CASP8: variants seen among roughly 807,000 people sequenced by gnomAD.
The protein encoded by CASP8 is caspase 8.
Under a neutral mutation model 46.3 loss-of-function variants are expected in CASP8, and 24 were observed. That is an observed-to-expected ratio of 0.52 (90% CI 0.38 to 0.73). The LOEUF (loss-of-function observed/expected upper bound fraction) is 0.73, where lower values mean the gene tolerates loss of function less well. Among genes scored for constraint, CASP8 ranks in the 30% least tolerant of loss-of-function variants. The probability of loss-of-function intolerance (pLI) is 0.00; values close to 1 mark genes in which losing one functional copy is unlikely to be tolerated. For synonymous variants in CASP8, 188 were observed against 200.4 expected, an observed-to-expected ratio of 0.94 and a Z score of 0.52; for missense variants, 460 against 559.0, an observed-to-expected ratio of 0.82 and a Z score of 1.79.
chr2:201,261,265 C>T (rs1947372758), intron 1 of CASP8, among the ~76,000 whole-genome samples: 1 of 151,938 alleles, frequency 6.6e-6, no homozygotes, highest in Non-Finnish European at 1.5e-5. Flanking sequence ...ATGGCGCATG[C>T]CTGTAATCCC....
upstream of CASP8, chr2:201,258,357 G>C (rs1947137956): frequency 1.2e-6 from 2 of 1,613,950 alleles, no homozygotes; most frequent in Admixed American, 1.7e-5. Context: ...CGGAGACTGC[G>C]ATGGTGCCAG....
At chr2:201,274,987 T>C (rs1948533251) in intron 6 of CASP8, 34 bp downstream of exon 6, 1 of 1,446,534 alleles carries the variant, frequency 6.9e-7, no homozygotes, top group Non-Finnish European at 9.7e-7. Flanking sequence ...TTTTTTTACA[T>C]TACAGATTCT....
intron 2 of CASP8, among the ~76,000 whole-genome samples, chr2:201,267,220 C>G (rs1223223728): frequency 6.6e-6 from 1 of 152,054 alleles, no homozygotes; most frequent in Non-Finnish European, 1.5e-5. Flanking sequence ...TTTTTTTCCT[C>G]TCTTATCTTG....
At chr2:201,274,570 GT>G (rs1189361121) in intron 5 of CASP8, among the ~76,000 whole-genome samples, 2 of 152,184 alleles carry the variant, frequency 1.3e-5, no homozygotes, top group Non-Finnish European at 2.9e-5. Flanking sequence ...TACCTCCCAA[GT>G]TCAAGTGATT....
rs2125488841 is a variant in CASP8, at chr2:201,285,211, C to A, written c.1198C>A (p.Leu400Met). The A allele has an allele frequency of 2.5e-6, 4 of 1,614,212 alleles. No homozygotes were observed. Among genetic ancestry groups the A allele is most frequent in the Non-Finnish European group, 3.4e-6 (4 of 1,180,032 alleles). ...ATATATCCCGGATGAGGCTGACTTT[C>A]TGCTGGGGATGGCCACTGTGAATAA... ...TRYIPDEADF[L>M]LGMATVNNCV... The change falls in exon 8 of 9, where the codon CTG becomes ATG. Residue 400 changes from leucine to methionine, a missense_variant. Leu to Met is a conservative substitution (Grantham distance 15, BLOSUM62 2). Coordinates refer to ENST00000673742, the MANE Select transcript of CASP8 (RefSeq NM_001372051.1).
upstream of CASP8, among the ~76,000 whole-genome samples, chr2:201,257,196 G>T (rs1947061065): frequency 6.8e-6 from 1 of 147,904 alleles, no homozygotes; most frequent in Admixed American, 6.7e-5. Context: ...GAGAACAGGG[G>T]AGGGGCTGGG....
At chr2:201,249,056 C>T (rs6715602) in intron 2 of CASP8, among the ~76,000 whole-genome samples, 42,930 of 151,892 alleles carry the variant, frequency 0.28, 9,123 homozygotes, top group African/African-American at 0.59. Flanking sequence ...CATGCCCAGC[C>T]AATTTTTGTA....
chr2:201,238,063 C>A (rs1323135583), intron 2 of CASP8, among the ~76,000 whole-genome samples: 1 of 152,158 alleles, frequency 6.6e-6, no homozygotes, highest in Non-Finnish European at 1.5e-5. Context: ...GGGTAGACTT[C>A]CTGGAGGAAG....
intron 7 of CASP8, among the ~76,000 whole-genome samples, chr2:201,282,965 C>G (rs1949207131): frequency 9.6e-5 from 7 of 72,946 alleles, no homozygotes; most frequent in African/African-American, 2.9e-4. Context: ...CCACCTCCCT[C>G]CCGGACGGGG....
chr2:201,269,666 C>G (rs1221715638), intron 2 of CASP8: 4 of 1,129,476 alleles, frequency 3.5e-6, no homozygotes, highest in African/African-American at 3.0e-5. Flanking sequence ...CCGGGCAATC[C>G]TGACTTACTG....
chr2:201,249,734 A>G (rs1439393319), intron 2 of CASP8, among the ~76,000 whole-genome samples: 1 of 152,192 alleles, frequency 6.6e-6, no homozygotes, highest in Non-Finnish European at 1.5e-5. Context: ...CAGAAAGAAA[A>G]AAAAAGAAAG....
At chr2:201,281,082 G>A (rs926602278) in intron 7 of CASP8, among the ~76,000 whole-genome samples, 1 of 152,178 alleles carries the variant, frequency 6.6e-6, no homozygotes, top group African/African-American at 2.4e-5. Flanking sequence ...GGGAGGCCAA[G>A]GTGGGTGGGT....
chr2:201,282,046 C>CA (rs1028221302), intron 7 of CASP8: 1 of 104,146 alleles, frequency 9.6e-6, no homozygotes, highest in African/African-American at 5.4e-5. Context: ...AACAAGTGAA[C>CA]AAAGGTCTCT....
At position 201,250,258 on chromosome 2, in the gene CASP8, C is replaced by T. The variant is rs35996533; in HGVS notation, c.-27+16146C>T. On this transcript the variant is annotated intron_variant, in intron 2 of 6. Transcript: ENST00000264274. The stretch of plus-strand genomic sequence containing the variant: ...TTCAGGAGAAGGTCAGAAAACCCTT[C>T]CTGCACATGCTGCTTTTGCAAATTC... Among the ~76,000 whole-genome samples the T allele has an allele frequency of 8.4e-3, 1,284 of 152,338 alleles. 24 individuals are homozygous for T. The highest frequency in any genetic ancestry group is 0.03 in the African/African-American group (1,240 of 41,578).
At chr2:201,283,231 A>G (rs1287761366) in intron 7 of CASP8, among the ~76,000 whole-genome samples, 2 of 65,496 alleles carry the variant, frequency 3.1e-5, no homozygotes, top group African/African-American at 5.3e-5. Context: ...CTGACCCCCC[A>G]CCTCCCTCCC....
chr2:201,268,652 T>A (rs1948001069), intron 2 of CASP8, among the ~76,000 whole-genome samples: 1 of 152,202 alleles, frequency 6.6e-6, no homozygotes, highest in South Asian at 2.1e-4. Context: ...TTAAAATGTG[T>A]TTTCACAGTT....
upstream of CASP8, among the ~76,000 whole-genome samples, chr2:201,258,709 CT>C (rs961283264): frequency 6.6e-6 from 1 of 151,556 alleles, no homozygotes; most frequent in African/African-American, 2.4e-5. Context: ...TATCAATCCA[CT>C]TTTTTTTCTT....
intron 2 of CASP8, among the ~76,000 whole-genome samples, chr2:201,252,158 T>A (rs1275247593): frequency 6.6e-6 from 1 of 152,200 alleles, no homozygotes; most frequent in Non-Finnish European, 1.5e-5. Context: ...TCTGTATATG[T>A]TTTTGGTGAG....
chr2:201,252,040 G>A (rs1946811265), intron 2 of CASP8, among the ~76,000 whole-genome samples: 1 of 152,132 alleles, frequency 6.6e-6, no homozygotes, highest in African/African-American at 2.4e-5. Context: ...TCAGTGTTTC[G>A]GATTTTAGCA....
Sources: allele counts gnomAD v4.1 joint callset (sites outside exome capture counted in the v4.1 genomes callset), GRCh38; gene constraint gnomAD v4.1.1; transcripts MANE v1.5; gene names NCBI Gene and HGNC (gene_info 2026-07-23, HGNC 2026-07-21).